UNKL: variants seen among roughly 807,000 people sequenced by gnomAD.
The protein encoded by UNKL is putative E3 ubiquitin-protein ligase UNKL.
In UNKL, 60 loss-of-function variants were observed where a neutral mutation model predicts 78.0. The observed-to-expected ratio is 0.77, with a 90% CI of 0.63 to 0.95. The LOEUF is 0.95. UNKL is among the 40% of genes least tolerant of loss of function. The pLI, the probability that UNKL is intolerant of heterozygous loss-of-function variation, is 0.00. For synonymous variants in UNKL, 608 were observed against 474.8 expected, an observed-to-expected ratio of 1.28 and a Z score of -3.65; for missense variants, 1,159 against 1,045.7, an observed-to-expected ratio of 1.11 and a Z score of -1.49.
rs575323875 is a variant in UNKL, at chr16:1,408,229, G to A, written c.288-4885C>T. Among the ~76,000 whole-genome samples the A allele has an allele frequency of 5.9e-5, 9 of 151,284 alleles. No individual in the cohort carries two copies. In the East Asian group the frequency reaches 1.4e-3, roughly 23 times the overall value. On this transcript the variant is annotated intron_variant, in intron 2 of 14. Coordinates refer to ENST00000389221, the MANE Select transcript of UNKL (RefSeq NM_001372107.1). ...GCGCCTGCCCCTCAGCTACACCCCC[G>A]GGGCCTCAAGGCCACGCCCACATGG... is the stretch of plus-strand genomic sequence containing the variant.
At chr16:1,381,514 G>A (rs1041607685) in intron 10 of UNKL, among the ~76,000 whole-genome samples, 36 of 152,286 alleles carry the variant, frequency 2.4e-4, no homozygotes, top group South Asian at 1.7e-3. Context: ...CAGCTACTCC[G>A]GAGGCTGAGG....
chr16:1,410,923 G>T (rs762526920), intron 2 of UNKL, among the ~76,000 whole-genome samples: 2 of 152,158 alleles, frequency 1.3e-5, no homozygotes, highest in African/African-American at 4.8e-5. Flanking sequence ...TCAAGTTTAG[G>T]CATCAACCTG....
intron 4 of UNKL, among the ~76,000 whole-genome samples, chr16:1,400,616 G>A (rs1388274921): frequency 1.3e-5 from 2 of 151,972 alleles, no homozygotes; most frequent in African/African-American, 4.8e-5. Context: ...GGTGGCAGCT[G>A]CACAACACTG....
intron 12 of UNKL, among the ~76,000 whole-genome samples, chr16:1,368,558 C>T (rs1219883378): frequency 7.3e-6 from 1 of 137,634 alleles, no homozygotes; most frequent in East Asian, 2.2e-4. Flanking sequence ...GCCGAGATTG[C>T]GCCACTGCAG....
In UNKL at chr16:1,414,644, G is replaced by A. The variant is rs1310865876; in HGVS notation, c.48C>T (p.Pro16=). Residue 16 remains proline, a synonymous_variant, in exon 1 of 15, where the codon CCC becomes CCT. Coordinates refer to ENST00000389221, the MANE Select transcript of UNKL (RefSeq NM_001372107.1). Reference sequence around the variant, plus strand: ...AGTGGGTCGGCTTCTCAGTCTGCGGGGGGGACCCGCTCAGCGCCGCTGCCG... The same window carrying A: ...AGTGGGTCGGCTTCTCAGTCTGCGGAGGGGACCCGCTCAGCGCCGCTGCCG... ...KAAAAALSGS[P]PQTEKPTHYR... 1 of 1,139,122 alleles carries A rather than the reference G, an allele frequency of 8.8e-7. No homozygotes were observed. Among genetic ancestry groups the A allele is most frequent in the South Asian group, 2.4e-5 (1 of 42,114 alleles). The allele number at this position is 1,139,122 out of a possible 1,614,324, so 70.6% of individuals were successfully genotyped here.
At chr16:1,411,332 C>A (rs1475135079) in intron 2 of UNKL, among the ~76,000 whole-genome samples, 1 of 151,976 alleles carries the variant, frequency 6.6e-6, no homozygotes, top group Non-Finnish European at 1.5e-5. Flanking sequence ...GCCTGGGCAA[C>A]CAGAGTGAGA....
chr16:1,368,406 T>G (rs1430097938), intron 12 of UNKL, among the ~76,000 whole-genome samples: 1 of 150,776 alleles, frequency 6.6e-6, no homozygotes, highest in African/African-American at 2.4e-5. Context: ...ATCGAGACCA[T>G]CCTGGCTAAC....
chr16:1,395,791 A>G (rs1567227346), intron 6 of UNKL: 9 of 456,022 alleles, frequency 2.0e-5, no homozygotes, highest in South Asian at 1.4e-4. Flanking sequence ...AACGCCCCGG[A>G]CACCGGACTC....
chr16:1,403,078 G>T lies in UNKL; in HGVS notation c.464+90C>A. ...TGGGCCAGCAGAGCCTGCAGCAGCA[G>T]GGAGGCGAGCCACTTGCCGAGTTCC... On this transcript the variant is annotated intron_variant, in intron 3 of 14. Transcript: ENST00000389221. The surrounding 1 kb of genome is among the most constrained non-coding windows in gnomAD (Gnocchi z 4.8). 7.0e-7 allele frequency: 1 copy of T among 1,423,496 alleles called. No individual in the cohort carries two copies. The highest frequency in any genetic ancestry group is 1.4e-5 in the South Asian group (1 of 72,418). The allele number at this position is 1,423,496 out of a possible 1,614,324, so 88.2% of individuals were successfully genotyped here. A position where few individuals can be genotyped will look rare whatever the true frequency, so the allele number is the denominator to read the frequency against.
At chr16:1,414,321 G>A (rs1596793018) in intron 1 of UNKL, among the ~76,000 whole-genome samples, 1 of 152,034 alleles carries the variant, frequency 6.6e-6, no homozygotes, top group Non-Finnish European at 1.5e-5. Flanking sequence ...CTCACGGTCG[G>A]CAGCCGGAGC....
Position 1,363,815 on chromosome 16 carries a change from C to T in UNKL, c.*2425G>A, listed in dbSNP as rs139917792. On this transcript the variant is annotated 3_prime_UTR_variant, in exon 15 of 15. Coordinates refer to ENST00000389221, the MANE Select transcript of UNKL (RefSeq NM_001372107.1). ...TTTGGTCTTCCCACTGCTCACCTGT[C>T]CTCAGAGCCAGTACTGATCTAGGGG... is the stretch of plus-strand genomic sequence containing the variant. 8.3e-5 allele frequency: 13 copies of T among 157,020 alleles called. No individual in the cohort carries two copies. The East Asian group carries it at 1.5e-3, about 18-fold the overall frequency. 9.7% of individuals were successfully genotyped at this position (157,020 alleles called of 1,614,324 possible). A position where few individuals can be genotyped will look rare whatever the true frequency, so the allele number is the denominator to read the frequency against.
rs1376443922 is a variant in UNKL, at chr16:1,366,411, A to G, written c.2047-16T>C. 3.2e-6 allele frequency: 5 copies of G among 1,566,210 alleles called. No individual in the cohort carries two copies. In the African/African-American group the frequency reaches 4.1e-5, roughly 13 times the overall value. ...GGAAGATCACCTGCAGGGCCAGAACAATGACGGGCTCAGGAGGCCCCTGCC... is the reference window on the plus strand; with the variant it reads ...GGAAGATCACCTGCAGGGCCAGAACGATGACGGGCTCAGGAGGCCCCTGCC... On this transcript the variant is annotated splice_polypyrimidine_tract_variant and intron_variant, in intron 14 of 14. Transcript: ENST00000389221.
intron 11 of UNKL, among the ~76,000 whole-genome samples, chr16:1,370,879 G>A (rs904601183): frequency 2.0e-5 from 3 of 152,194 alleles, no homozygotes; most frequent in Middle Eastern, 3.4e-3. Context: ...GTCAGGAGAT[G>A]GAGACCATCC....
intron 5 of UNKL, among the ~76,000 whole-genome samples, chr16:1,397,838 G>A (rs2037346847): frequency 6.6e-6 from 1 of 152,120 alleles, no homozygotes; most frequent in Non-Finnish European, 1.5e-5. Context: ...GGAGGTGTCA[G>A]GGGGACACAG....
At chr16:1,395,205 T>A (rs1227853616) in intron 6 of UNKL, among the ~76,000 whole-genome samples, 5 of 146,926 alleles carry the variant, frequency 3.4e-5, no homozygotes, top group Admixed American at 2.1e-4. Context: ...TCTGGCTCTG[T>A]CGCCCAGGCT....
At chr16:1,369,807 T>G in intron 12 of UNKL, 1 of 775,482 alleles carries the variant, frequency 1.3e-6, no homozygotes, top group Non-Finnish European at 2.0e-6. Flanking sequence ...AAACGCCATC[T>G]CTACTAAAAA....
rs115599598 is a variant in UNKL at position 1,376,076 on chromosome 16, C to T, written c.1265-4465G>A. Among the ~76,000 whole-genome samples, 1,224 of 151,790 alleles carry T rather than the reference C, an allele frequency of 8.1e-3. 21 individuals are homozygous for T. Among genetic ancestry groups the T allele is most frequent in the African/African-American group, 0.029 (1,178 of 41,314 alleles). ...GCGGGCAGGGCCTCTTCCCTCCTCC[C>T]TCCAGGGCTGGGGCGCTCCTCCTCC... On this transcript the variant is annotated intron_variant, in intron 10 of 14. Transcript: ENST00000389221.
At chr16:1,413,405 C>A (rs1236263942) in intron 2 of UNKL, among the ~76,000 whole-genome samples, 1 of 151,780 alleles carries the variant, frequency 6.6e-6, no homozygotes, top group Non-Finnish European at 1.5e-5. Flanking sequence ...CCTGTCTCTA[C>A]TAAAAATAAA....
In UNKL at chr16:1,399,603, A is replaced by C; in HGVS notation, c.599-94T>G. 1 of 1,517,938 alleles carries C rather than the reference A, an allele frequency of 6.6e-7. No individual in the cohort carries two copies. The highest frequency in any genetic ancestry group is 8.8e-7 in the Non-Finnish European group (1 of 1,132,408). 94.0% of individuals were successfully genotyped at this position (1,517,938 alleles called of 1,614,324 possible). On this transcript the variant is annotated intron_variant, in intron 4 of 14. Coordinates refer to ENST00000389221, the MANE Select transcript of UNKL (RefSeq NM_001372107.1). The surrounding 1 kb of genome is among the most constrained non-coding windows in gnomAD (Gnocchi z 5.8). ...GTGGAAGGACCTGGCTGTCCCCCAA[A>C]TGGAAGGGGCTGCAGGAGGACTTGG...
Sources: allele counts gnomAD v4.1 joint callset (sites outside exome capture counted in the v4.1 genomes callset), GRCh38; gene constraint gnomAD v4.1.1; non-coding constraint Gnocchi (gnomAD v3.1); transcripts MANE v1.5; gene names NCBI Gene and HGNC (gene_info 2026-07-23, HGNC 2026-07-21).